SGCZ: variants seen among roughly 807,000 people sequenced by gnomAD.
SGCZ encodes the protein sarcoglycan zeta.
Under a neutral mutation model 41.3 loss-of-function variants are expected in SGCZ, and 40 were observed. That is an observed-to-expected ratio of 0.97 (90% confidence interval 0.75 to 1.26). SGCZ has a LOEUF of 1.26. Among genes scored for constraint, SGCZ ranks in the 50% most tolerant of loss-of-function variants. SGCZ has a pLI of 0.00. For synonymous variants in SGCZ, 206 were observed against 137.5 expected, an observed-to-expected ratio of 1.50 and a Z score of -3.49; for missense variants, 552 against 369.8, an observed-to-expected ratio of 1.49 and a Z score of -4.04.
At chr8:14,904,913 G>C (rs971145550) in intron 1 of SGCZ, among the ~76,000 whole-genome samples, 10 of 151,576 alleles carry the variant, frequency 6.6e-5, no homozygotes, top group Non-Finnish European at 1.0e-4. Flanking sequence ...CTCCTCCTAT[G>C]TTTTAAATTA....
At chr8:15,161,772 C>T (rs966472135) in intron 1 of SGCZ, among the ~76,000 whole-genome samples, 1 of 152,214 alleles carries the variant, frequency 6.6e-6, no homozygotes, top group Non-Finnish European at 1.5e-5. Context: ...CCGTGGCTCA[C>T]ATCTATAATC....
intron 2 of SGCZ, among the ~76,000 whole-genome samples, chr8:14,489,396 A>G (rs1417127551): frequency 1.3e-5 from 2 of 151,828 alleles, no homozygotes; most frequent in Admixed American, 6.6e-5. Context: ...CATTATAAAT[A>G]TAATTCAAAT....
intron 1 of SGCZ, among the ~76,000 whole-genome samples, chr8:14,624,574 T>A (rs1238841161): frequency 0.11 from 15,106 of 133,032 alleles, 1,145 homozygotes; most frequent in Non-Finnish European, 0.16. Flanking sequence ...TTTTTTTTTT[T>A]TTTTTTTTTT....
intron 1 of SGCZ, among the ~76,000 whole-genome samples, chr8:14,987,461 GATC>G (rs1477040371): frequency 6.6e-6 from 1 of 151,906 alleles, no homozygotes; most frequent in Non-Finnish European, 1.5e-5. Flanking sequence ...GCCAATAACT[GATC>G]ATCTTTCTGC....
intron 1 of SGCZ, among the ~76,000 whole-genome samples, chr8:14,820,241 C>G (rs1179081480): frequency 6.6e-6 from 1 of 151,940 alleles, no homozygotes; most frequent in South Asian, 2.1e-4. Context: ...TACTTATAAA[C>G]AGACTTTAAG....
At chr8:14,752,132 CAAAAA>C (rs56243371) in intron 1 of SGCZ, among the ~76,000 whole-genome samples, 9 of 117,750 alleles carry the variant, frequency 7.6e-5, no homozygotes, top group African/African-American at 2.0e-4. Context: ...ACAAAAAAGC[CAAAAA>C]AAAAAAAAAA....
At chr8:15,194,280 T>C (rs1380835206) in intron 1 of SGCZ, among the ~76,000 whole-genome samples, 1 of 150,654 alleles carries the variant, frequency 6.6e-6, no homozygotes, top group Non-Finnish European at 1.5e-5. Context: ...GCCCTAATAG[T>C]AAAACATTCT....
At chr8:14,098,461 G>T (rs1178927632) in intron 7 of SGCZ, among the ~76,000 whole-genome samples, 1 of 152,166 alleles carries the variant, frequency 6.6e-6, no homozygotes, top group Non-Finnish European at 1.5e-5. Context: ...GGGAATGAGA[G>T]ATGATTCCTT....
chr8:14,337,576 A>G (rs190906434), intron 2 of SGCZ, among the ~76,000 whole-genome samples: 11 of 152,310 alleles, frequency 7.2e-5, no homozygotes, highest in African/African-American at 2.6e-4. Flanking sequence ...AGGTTAAAAT[A>G]CCAGAATTGC....
chr8:15,072,121 A>G (rs566471662), intron 1 of SGCZ, among the ~76,000 whole-genome samples: 3 of 151,966 alleles, frequency 2.0e-5, no homozygotes, highest in South Asian at 2.1e-4. Context: ...CAGGTGAAGT[A>G]CTCTCCATCT....
chr8:14,260,581 G>A (rs1045965058), intron 3 of SGCZ, among the ~76,000 whole-genome samples: 3 of 148,506 alleles, frequency 2.0e-5, no homozygotes, highest in Non-Finnish European at 3.0e-5. Flanking sequence ...ATTTGACCCA[G>A]CCATCCCATT....
intron 1 of SGCZ, among the ~76,000 whole-genome samples, chr8:15,157,987 A>G (rs1799384251): frequency 6.6e-6 from 1 of 152,004 alleles, no homozygotes; most frequent in Admixed American, 6.6e-5. Flanking sequence ...AACTGTCCTC[A>G]CTTTTGTTTT....
intron 3 of SGCZ, among the ~76,000 whole-genome samples, chr8:14,275,828 C>A (rs1800210685): frequency 6.6e-6 from 1 of 152,180 alleles, no homozygotes; most frequent in South Asian, 2.1e-4. Flanking sequence ...AGGATCCACC[C>A]CTGTAGGAGT....
chr8:15,052,564 C>G (rs906301845), intron 1 of SGCZ, among the ~76,000 whole-genome samples: 2 of 152,006 alleles, frequency 1.3e-5, no homozygotes, highest in African/African-American at 2.4e-5. Context: ...GGGTGGCTTT[C>G]TAGTCTCAGT....
intron 3 of SGCZ, among the ~76,000 whole-genome samples, chr8:14,284,427 A>G (rs1331909459): frequency 1.3e-5 from 2 of 151,506 alleles, no homozygotes; most frequent in Non-Finnish European, 2.9e-5. Flanking sequence ...GTCTTATTTT[A>G]GTATAGGTTT....
chr8:14,539,162 A>T (rs1366069395), intron 2 of SGCZ, among the ~76,000 whole-genome samples: 1 of 152,014 alleles, frequency 6.6e-6, no homozygotes, highest in African/African-American at 2.4e-5. Context: ...CGGCCAGCAG[A>T]TTATCTTCGG....
In SGCZ at chr8:14,361,690, C is replaced by G. The variant is rs1426274450; in HGVS notation, c.235-37486G>C. On this transcript the variant is annotated intron_variant, in intron 2 of 7. Transcript: ENST00000382080. ...CGGAAGCCTACTTCTGTCAACTTGT[C>G]AAACCCATTCTCCGTCCAGTTTTGT... 2.6e-5 allele frequency among the ~76,000 whole-genome samples: 4 copies of G among 152,192 alleles called. No homozygotes were observed. In the East Asian group the frequency reaches 7.7e-4, roughly 29 times the overall value.
Position 14,616,610 on chromosome 8 carries a change from T to C in SGCZ, c.40-61684A>G, listed in dbSNP as rs151016510. On this transcript the variant is annotated intron_variant, in intron 1 of 7. Coordinates refer to ENST00000382080, the MANE Select transcript of SGCZ (RefSeq NM_139167.4). ...GTGTTCTCCAGTTTCTCTTTATAAA[T>C]AAACTTGGTGAGGGAGAATTCAGGC... Among the ~76,000 whole-genome samples the C allele has an allele frequency of 4.7e-3, 713 of 152,214 alleles. 3 individuals carry two copies. Among genetic ancestry groups the C allele is most frequent in the African/African-American group, 0.016 (668 of 41,552 alleles).
In SGCZ at chr8:14,884,830, C is replaced by T. The variant is rs186748286; in HGVS notation, c.40-329904G>A. Reference sequence around the variant, plus strand: ...AAAGCTCTAGAGATATCTCTTCTTACCCCATCTCCTTTCAATCCTCCAGTC... The same window carrying T: ...AAAGCTCTAGAGATATCTCTTCTTATCCCATCTCCTTTCAATCCTCCAGTC... On this transcript the variant is annotated intron_variant, in intron 1 of 7. Transcript: ENST00000382080. 1.4e-4 allele frequency among the ~76,000 whole-genome samples: 22 copies of T among 152,110 alleles called. No individual in the cohort carries two copies. The East Asian group carries it at 4.3e-3, about 29-fold the overall frequency.
Sources: gnomAD v4.1 joint callset for allele counts (sites outside exome capture counted in the v4.1 genomes callset) on GRCh38, gnomAD v4.1.1 for gene constraint, MANE v1.5 for transcripts, NCBI Gene and HGNC (gene_info 2026-07-23, HGNC 2026-07-21) for gene names.